Variants in CSMD2 observed in about 807,000 individuals in gnomAD.
CSMD2 encodes CUB and Sushi multiple domains 2, also known as CUB and sushi domain-containing protein 2.
In CSMD2, 130 loss-of-function variants were observed where a neutral mutation model predicts 398.5. The ratio of observed to expected loss-of-function variants is 0.33; its 90% CI spans 0.28 to 0.38. The LOEUF is 0.38. Ranked by LOEUF, CSMD2 falls within the 10% of genes least tolerant of loss-of-function variation. The probability of loss-of-function intolerance (pLI) is 1.00; values close to 1 mark genes in which losing one functional copy is unlikely to be tolerated. For missense variants in CSMD2, 3,829 were observed against 4,764.9 expected (o/e 0.80, Z 5.78); for synonymous variants, 1,828 against 1,908.5 (o/e 0.96, Z 1.10).
chr1:33,819,490 T>C (rs1328713908), intron 9 of CSMD2, among the ~76,000 whole-genome samples: 1 of 152,192 alleles, frequency 6.6e-6, no homozygotes, highest in South Asian at 2.1e-4. Flanking sequence ...GCAAGCACCA[T>C]AATGCTTATC....
intron 27 of CSMD2, among the ~76,000 whole-genome samples, chr1:33,653,042 C>G (rs1216395962): frequency 1.3e-5 from 2 of 152,208 alleles, no homozygotes; most frequent in African/African-American, 2.4e-5. Context: ...CAGGCGTGAG[C>G]CACCGCGCCC....
rs774752503 is a variant in CSMD2 at position 33,614,640 on chromosome 1, C to T, written c.6017-20G>A. 21 of 1,426,874 alleles carry T rather than the reference C, an allele frequency of 1.5e-5. No individual in the cohort carries two copies. In the African/African-American group the frequency reaches 1.8e-4, roughly 12 times the overall value. 88.4% of individuals were successfully genotyped at this position (1,426,874 alleles called of 1,614,324 possible). A position where few individuals can be genotyped will look rare whatever the true frequency, so the allele number is the denominator to read the frequency against. The stretch of plus-strand genomic sequence containing the variant: ...ACTGTGCTGTGACAATGAGATGAGA[C>T]AGAGGGTCAGGACAACATCAAGGGG... On this transcript the variant is annotated intron_variant, in intron 39 of 70. Coordinates refer to ENST00000373381, the MANE Select transcript of CSMD2 (RefSeq NM_001281956.2).
chr1:33,756,098 T>C (rs945287015), intron 13 of CSMD2, among the ~76,000 whole-genome samples: 13 of 152,190 alleles, frequency 8.5e-5, no homozygotes, highest in Non-Finnish European at 5.9e-5. Context: ...CCCTTGGCAG[T>C]CATTTGAAAG....
chr1:33,559,337 G>C lies in CSMD2; in HGVS notation c.8517C>G (p.Ala2839=). The C allele has an allele frequency of 6.5e-7, 1 of 1,535,826 alleles. No homozygotes were observed. The highest frequency in any genetic ancestry group is 8.7e-7 in the Non-Finnish European group (1 of 1,146,894). Residue 2839 remains alanine (A), a synonymous_variant, in exon 54 of 71, where the codon GCC becomes GCG. Coordinates refer to ENST00000373381, the MANE Select transcript of CSMD2 (RefSeq NM_001281956.2). This position sits in a 1 kb window ranked among gnomAD's most constrained non-coding sequence, Gnocchi z 4.0. ...GCAGCATGTCACTCCATTGCCCGCTGGCCAGGCATTGGGACCTAGCAGCCC... is the reference window on the plus strand; with the variant it reads ...GCAGCATGTCACTCCATTGCCCGCTCGCCAGGCATTGGGACCTAGCAGCCC... The part of the protein sequence containing the change: ...AEGAARSQCL[A]SGQWSDMLPT...
At chr1:34,134,261 C>T (rs559061579) in intron 1 of CSMD2, among the ~76,000 whole-genome samples, 2 of 152,088 alleles carry the variant, frequency 1.3e-5, no homozygotes, top group East Asian at 3.9e-4. Context: ...AAATCTCAAC[C>T]CATTATAGTA....
At chr1:33,906,297 T>A (rs1475198631) in intron 5 of CSMD2, among the ~76,000 whole-genome samples, 2 of 152,222 alleles carry the variant, frequency 1.3e-5, no homozygotes, top group Non-Finnish European at 2.9e-5. Flanking sequence ...ATCAAGGGAT[T>A]GAATTTTAAT....
At chr1:33,639,026 C>T (rs1293151100) in intron 29 of CSMD2, among the ~76,000 whole-genome samples, 1 of 152,200 alleles carries the variant, frequency 6.6e-6, no homozygotes, top group Non-Finnish European at 1.5e-5. Flanking sequence ...TATTGTGGAA[C>T]TTTTAAAAAG....
At chr1:33,697,011 A>G (rs550179106) in intron 24 of CSMD2, among the ~76,000 whole-genome samples, 209 of 152,362 alleles carry the variant, frequency 1.4e-3, no homozygotes, top group African/African-American at 4.8e-3. Context: ...ATCCCCTAGC[A>G]GGCTAGAGGC....
chr1:34,109,801 AG>A (rs1660868684), intron 1 of CSMD2, among the ~76,000 whole-genome samples: 1 of 152,086 alleles, frequency 6.6e-6, no homozygotes, highest in South Asian at 2.1e-4. Context: ...GCACTTTGGG[AG>A]GCCAAGGCGG....
chr1:33,768,504 A>G (rs7520368), intron 13 of CSMD2, among the ~76,000 whole-genome samples: 2,594 of 151,366 alleles, frequency 0.017, 84 homozygotes, highest in African/African-American at 0.061. Flanking sequence ...TGCAGATCCC[A>G]TTACCCAATT....
intron 3 of CSMD2, among the ~76,000 whole-genome samples, chr1:33,977,562 A>G (rs1646012593): frequency 6.6e-6 from 1 of 151,910 alleles, no homozygotes; most frequent in African/African-American, 2.4e-5. Context: ...AGCAACTTCC[A>G]GGGACCCTCA....
chr1:33,832,088 T>C (rs12061492), intron 6 of CSMD2, among the ~76,000 whole-genome samples: 92,840 of 122,050 alleles, frequency 0.76, 36,273 homozygotes, highest in East Asian at 0.93. Context: ...CCACTGTCAA[T>C]ATTAGACAGA....
intron 25 of CSMD2, among the ~76,000 whole-genome samples, chr1:33,684,753 T>C (rs923824133): frequency 2.6e-5 from 4 of 152,236 alleles, no homozygotes; most frequent in Admixed American, 2.6e-4. Flanking sequence ...GAGCTCCTAC[T>C]GTTCTTTAAA....
chr1:33,863,525 T>A (rs1014417080), intron 5 of CSMD2: 2 of 152,120 alleles, frequency 1.3e-5, no homozygotes, highest in Non-Finnish European at 1.5e-5. Flanking sequence ...AGTGCTCAGG[T>A]TTTAAATTAG....
intron 52 of CSMD2, among the ~76,000 whole-genome samples, chr1:33,568,348 C>A (rs1358832965): frequency 1.3e-5 from 2 of 152,080 alleles, no homozygotes; most frequent in South Asian, 2.1e-4. Context: ...CCACCATACC[C>A]AGCTAATTTT....
intron 2 of CSMD2, among the ~76,000 whole-genome samples, chr1:34,062,168 A>T (rs1024156151): frequency 6.6e-6 from 1 of 152,210 alleles, no homozygotes. Flanking sequence ...ACATTTTACC[A>T]CAGCCCTTGA....
chr1:33,761,492 C>G (rs1282047106), intron 13 of CSMD2, among the ~76,000 whole-genome samples: 2 of 152,170 alleles, frequency 1.3e-5, no homozygotes, highest in Non-Finnish European at 2.9e-5. Flanking sequence ...ATGATGTAAT[C>G]CAAGAGCTCA....
At chr1:33,947,988 AC>A (rs2125360278) in intron 3 of CSMD2, among the ~76,000 whole-genome samples, 1 of 152,292 alleles carries the variant, frequency 6.6e-6, no homozygotes, top group Non-Finnish European at 1.5e-5. Context: ...TGACTTTGGC[AC>A]CTTCTTTCTT....
intron 49 of CSMD2, among the ~76,000 whole-genome samples, chr1:33,573,380 GT>G (rs1659773721): frequency 6.6e-6 from 1 of 152,062 alleles, no homozygotes; most frequent in Admixed American, 6.5e-5. Context: ...TAAAATAAAT[GT>G]CCCCTTAGGA....
Sources: allele counts gnomAD v4.1 joint callset (sites outside exome capture counted in the v4.1 genomes callset), GRCh38; gene constraint gnomAD v4.1.1; non-coding constraint Gnocchi (gnomAD v3.1); transcripts MANE v1.5; gene names NCBI Gene and HGNC (gene_info 2026-07-23, HGNC 2026-07-21).